AUTS2: variants seen among roughly 807,000 people sequenced by gnomAD.
The protein encoded by AUTS2 is activator of transcription and developmental regulator AUTS2, also known as autism susceptibility gene 2 protein.
A neutral mutation model predicts 112.4 loss-of-function variants in AUTS2; 17 were observed. That is an observed-to-expected ratio of 0.15 (90% confidence interval 0.10 to 0.23). The LOEUF is 0.23. Among genes scored for constraint, AUTS2 ranks in the 10% least tolerant of loss-of-function variants. The probability of loss-of-function intolerance (pLI) is 1.00; values close to 1 mark genes in which losing one functional copy is unlikely to be tolerated. For missense variants in AUTS2, 1,510 were observed against 1,701.6 expected, an observed-to-expected ratio of 0.89 and a Z score of 1.98; for synonymous variants, 751 against 702.7, an observed-to-expected ratio of 1.07 and a Z score of -1.09.
intron 6 of AUTS2, among the ~76,000 whole-genome samples, chr7:70,705,466 T>G (rs1362603976): frequency 6.6e-6 from 1 of 152,240 alleles, no homozygotes; most frequent in East Asian, 1.9e-4. Context: ...CTCAGCTGTC[T>G]TTTATTTAGC....
intron 1 of AUTS2, among the ~76,000 whole-genome samples, chr7:69,809,825 C>T (rs1298434883): frequency 6.6e-6 from 1 of 152,258 alleles, no homozygotes; most frequent in African/African-American, 2.4e-5. Context: ...TTGAACACCC[C>T]GGAAGCACCC....
chr7:70,641,088 G>C (rs1477448234), intron 5 of AUTS2, among the ~76,000 whole-genome samples: 1 of 152,188 alleles, frequency 6.6e-6, no homozygotes, highest in Non-Finnish European at 1.5e-5. Flanking sequence ...CTCCAGCCAT[G>C]CTGGTCCATT....
rs1325646310 is a variant in AUTS2 at position 69,894,265 on chromosome 7, TTTTTTTTTTTTTTA to T, written c.310-5020_310-5007del. On this transcript the variant is annotated intron_variant, in intron 1 of 18. Transcript: ENST00000342771. ...ATGCCTTAAAGCGTTTTTTTTTTTTTTTTTTTTTTTTTTAACAGATTTCTTTCTTATCCTTCTGC... is the reference window on the plus strand; with the variant it reads ...ATGCCTTAAAGCGTTTTTTTTTTTTTACAGATTTCTTTCTTATCCTTCTGC... Among the ~76,000 whole-genome samples the T allele has an allele frequency of 1.5e-3, 179 of 119,208 alleles. 1 individual carries two copies. The highest frequency in any genetic ancestry group is 2.7e-3 in the Non-Finnish European group (144 of 52,948). The allele number at this position is 119,208 out of a possible 152,430, so 78.2% of individuals were successfully genotyped here.
At chr7:69,743,542 A>T (rs1382169369) in intron 1 of AUTS2, among the ~76,000 whole-genome samples, 1 of 152,100 alleles carries the variant, frequency 6.6e-6, no homozygotes, top group East Asian at 1.9e-4. Flanking sequence ...TTAAGTGTAC[A>T]GTTTTATGAC....
chr7:70,324,608 G>A (rs1790402597), intron 4 of AUTS2, among the ~76,000 whole-genome samples: 1 of 152,100 alleles, frequency 6.6e-6, no homozygotes. Flanking sequence ...CTGGGCAACA[G>A]AGCAAGACCC....
chr7:69,690,392 G>C (rs1001803486), intron 1 of AUTS2, among the ~76,000 whole-genome samples: 1 of 152,142 alleles, frequency 6.6e-6, no homozygotes, highest in Admixed American at 6.5e-5. Context: ...CCCAAGTTTT[G>C]CTCCGGCCTG....
At chr7:69,601,556 TTGGTGGTGG>T (rs753483852) in intron 1 of AUTS2, among the ~76,000 whole-genome samples, 1 of 151,290 alleles carries the variant, frequency 6.6e-6, no homozygotes, top group East Asian at 1.9e-4. Context: ...AAGGGAGGTA[TTGGTGGTGG>T]TGGTGGTGGT....
At chr7:70,146,267 A>G (rs1390531257) in intron 4 of AUTS2, among the ~76,000 whole-genome samples, 1 of 151,944 alleles carries the variant, frequency 6.6e-6, no homozygotes, top group Non-Finnish European at 1.5e-5. Flanking sequence ...TTAGTGGGGA[A>G]AAAAAATTCT....
chr7:70,491,627 T>TGTGTGTGTA (rs1562990316), intron 5 of AUTS2, among the ~76,000 whole-genome samples: 13 of 134,216 alleles, frequency 9.7e-5, no homozygotes, highest in African/African-American at 3.7e-4. Context: ...GTGTGTGTAT[T>TGTGTGTGTA]TTTTTGAGAC....
chr7:70,082,802 G>A (rs1418219646), intron 2 of AUTS2, among the ~76,000 whole-genome samples: 2 of 151,992 alleles, frequency 1.3e-5, no homozygotes, highest in Non-Finnish European at 2.9e-5. Context: ...TAACTGTTTT[G>A]TACTGACTTG....
At position 70,694,294 on chromosome 7, in the gene AUTS2, G is replaced by GGCGCCGCC. The variant is rs1190927559; in HGVS notation, c.691-4272_691-4265dup. The GGCGCCGCC allele has an allele frequency of 1.3e-5, 2 of 150,190 alleles. No individual in the cohort carries two copies. The highest frequency in any genetic ancestry group is 3.0e-5 in the Non-Finnish European group (2 of 67,414). The allele number at this position is 150,190 out of a possible 1,614,324, so 9.3% of individuals were successfully genotyped here. A position where few individuals can be genotyped will look rare whatever the true frequency, so the allele number is the denominator to read the frequency against. ...CGCCAGCCCGCAAGCTCCGGCCAGA[G>GGCGCCGCC]GCGCCGCCGCCCCGCGCCCCGCCGT... On this transcript the variant is annotated intron_variant, in intron 5 of 18. Transcript: ENST00000342771. The surrounding 1 kb of genome is among the most constrained non-coding windows in gnomAD (Gnocchi z 4.1).
At chr7:70,101,727 A>G (rs1325512991) in intron 2 of AUTS2, among the ~76,000 whole-genome samples, 1 of 151,978 alleles carries the variant, frequency 6.6e-6, no homozygotes. Context: ...AGAAATAAAA[A>G]TAAAAAGGTA....
chr7:70,148,074 AG>A (rs1807228778), intron 4 of AUTS2, among the ~76,000 whole-genome samples: 1 of 152,078 alleles, frequency 6.6e-6, no homozygotes, highest in Admixed American at 6.6e-5. Context: ...ATTCCCTGTA[AG>A]TGTTTAATCA....
At chr7:70,431,367 A>C (rs966468534) in intron 4 of AUTS2, among the ~76,000 whole-genome samples, 1 of 152,164 alleles carries the variant, frequency 6.6e-6, no homozygotes, top group Non-Finnish European at 1.5e-5. Context: ...GGTAATTTTT[A>C]AAATGTATCC....
At chr7:70,315,685 T>A (rs1789961334) in intron 4 of AUTS2, among the ~76,000 whole-genome samples, 2 of 152,214 alleles carry the variant, frequency 1.3e-5, no homozygotes, top group South Asian at 4.1e-4. Flanking sequence ...ATAGTCTCTC[T>A]CAAGTAGGAA....
chr7:70,788,917 T>C (rs1264832531), intron 18 of AUTS2, among the ~76,000 whole-genome samples: 1 of 152,216 alleles, frequency 6.6e-6, no homozygotes, highest in Non-Finnish European at 1.5e-5. Context: ...TCCATTTGTT[T>C]TTGCATTTTC....
chr7:69,846,893 T>A (rs1050887026), intron 1 of AUTS2, among the ~76,000 whole-genome samples: 12 of 152,114 alleles, frequency 7.9e-5, no homozygotes, highest in African/African-American at 2.7e-4. Flanking sequence ...CTTTCTAATC[T>A]AGGTGTTAAT....
At chr7:70,237,466 T>G (rs1190842338) in intron 4 of AUTS2, among the ~76,000 whole-genome samples, 2 of 152,212 alleles carry the variant, frequency 1.3e-5, no homozygotes, top group East Asian at 3.8e-4. Context: ...TAAAAAGGAC[T>G]CTTCTACTCA....
At chr7:70,279,223 G>A (rs1426479131) in intron 4 of AUTS2, among the ~76,000 whole-genome samples, 1 of 152,106 alleles carries the variant, frequency 6.6e-6, no homozygotes, top group Non-Finnish European at 1.5e-5. Context: ...AATGACTGAT[G>A]GCACTCTCTC....
Sources: allele counts gnomAD v4.1 joint callset (sites outside exome capture counted in the v4.1 genomes callset), GRCh38; gene constraint gnomAD v4.1.1; non-coding constraint Gnocchi (gnomAD v3.1); transcripts MANE v1.5; gene names NCBI Gene and HGNC (gene_info 2026-07-23, HGNC 2026-07-21).